The following CHD4 variants were observed in gnomAD, a reference collection of about 807,000 sequenced individuals.
CHD4 encodes chromodomain helicase DNA binding protein 4.
A neutral mutation model predicts 235.5 loss-of-function variants in CHD4; 35 were observed. The ratio of observed to expected loss-of-function variants is 0.15; its 90% CI spans 0.11 to 0.20. The LOEUF (loss-of-function observed/expected upper bound fraction) is 0.20, where lower values mean the gene tolerates loss of function less well. CHD4 is among the 10% of genes least tolerant of loss of function. CHD4 has a pLI of 1.00. For missense variants in CHD4, 1,329 were observed against 2,432.3 expected (o/e 0.55, Z 9.54); for synonymous variants, 900 against 850.2 (o/e 1.06, Z -1.02).
At chr12:6,585,210 C>A (rs113168245) in intron 25 of CHD4, among the ~76,000 whole-genome samples, 1 of 152,168 alleles carries the variant, frequency 6.6e-6, no homozygotes. Flanking sequence ...ACAAGCCACA[C>A]ACACATTCCT....
At chr12:6,572,303 G>A (rs1947987544) in intron 38 of CHD4, among the ~76,000 whole-genome samples, 1 of 151,450 alleles carries the variant, frequency 6.6e-6, no homozygotes, top group Non-Finnish European at 1.5e-5. Flanking sequence ...GCGCATGCCT[G>A]TAGTCCCAGC....
intron 25 of CHD4, 74 bp downstream of exon 25, chr12:6,587,310 A>G (rs1017408325): frequency 1.6e-5 from 24 of 1,492,250 alleles, no homozygotes; most frequent in Non-Finnish European, 2.1e-5. Flanking sequence ...CACTTGTCTC[A>G]AATACCACCT....
At chr12:6,589,258 C>A (rs751085723) in intron 22 of CHD4, among the ~76,000 whole-genome samples, 6 of 152,208 alleles carry the variant, frequency 3.9e-5, no homozygotes, top group Admixed American at 6.5e-5. Context: ...TCAAGGTCCA[C>A]TGACGAATAC....
At chr12:6,591,429 G>A in intron 22 of CHD4, 37 bp downstream of exon 22, 1 of 1,513,650 alleles carries the variant, frequency 6.6e-7, no homozygotes, top group Non-Finnish European at 9.1e-7. Context: ...ATAAGCAAAT[G>A]AGGATTCCTG....
At position 6,598,383 on chromosome 12, in the gene CHD4, T is replaced by G. The variant is rs1248874069; in HGVS notation, c.1525A>C (p.Lys509Gln). 6.2e-7 allele frequency: 1 copy of G among 1,613,424 alleles called. No homozygotes were observed. The highest frequency in any genetic ancestry group is 8.5e-7 in the Non-Finnish European group (1 of 1,179,642). The stretch of plus-strand genomic sequence containing the variant: ...GTGGGAGATGGTGGCTGACCCCACT[T>G]CCAGATTAGGATCTTCTGCACTTTG... ...KGKVQKILIWKWGQPPSPTPV... is the reference protein window; with the variant it reads ...KGKVQKILIWQWGQPPSPTPV... Residue 509 changes from lysine (K) to glutamine (Q), a missense_variant, in exon 11 of 40, where the codon AAG becomes CAG. This residue lies in a region of CHD4 where 33 missense variants were observed against 84.2 expected (regional missense o/e 0.39). Transcript: ENST00000544040.
chr12:6,600,821 C>T (rs903978057), intron 7 of CHD4, 105 bp downstream of exon 7: 12 of 1,501,298 alleles, frequency 8.0e-6, no homozygotes, highest in African/African-American at 7.0e-5. Flanking sequence ...GTGGGAAACG[C>T]CCCACATTCT....
intron 22 of CHD4, among the ~76,000 whole-genome samples, chr12:6,590,597 T>A (rs560654196): frequency 6.6e-6 from 1 of 152,070 alleles, no homozygotes; most frequent in African/African-American, 2.4e-5. Context: ...GGCAGGAGGA[T>A]TGCTTGAGCC....
chr12:6,572,334 G>A (rs1947988248), intron 38 of CHD4, among the ~76,000 whole-genome samples: 1 of 151,488 alleles, frequency 6.6e-6, no homozygotes, highest in Admixed American at 6.6e-5. Flanking sequence ...GCTGAGGCAG[G>A]AGAATTGCTT....
intron 1 of CHD4, chr12:6,606,695 G>A (rs1032633985): frequency 3.9e-6 from 1 of 255,334 alleles, no homozygotes; most frequent in African/African-American, 2.3e-5. Flanking sequence ...GGGGAGGGGA[G>A]ACGCGGGGCT....
At chr12:6,581,991 T>C (rs1341312950) in intron 30 of CHD4, 146 bp downstream of exon 30, 13 of 1,122,812 alleles carry the variant, frequency 1.2e-5, no homozygotes, top group Non-Finnish European at 1.5e-5. Flanking sequence ...TTAGTAGAGA[T>C]GGGGTTTCGC....
rs772550482 is a variant in CHD4 at position 6,577,842 on chromosome 12, T to G, written c.5304A>C (p.Glu1768Asp). 6.2e-7 allele frequency: 1 copy of G among 1,614,226 alleles called. No homozygotes were observed. Residue 1768 changes from glutamate (E) to aspartate (D), a missense_variant, in exon 37 of 40, where the codon GAA (glutamate) becomes GAC (aspartate). By Grantham distance (45) the Glu-to-Asp change is conservative. Transcript: ENST00000544040. The stretch of plus-strand genomic sequence containing the variant: ...TCTCTAAGAAATTGCCACGGTTCAT[T>G]TCACCCTTGAAAGGCTCATTGAGGA... ...YAILNEPFKGEMNRGNFLEIK... is the reference protein window; with the variant it reads ...YAILNEPFKGDMNRGNFLEIK...
chr12:6,600,834 C>T (rs1000937617), intron 7 of CHD4, 92 bp downstream of exon 7: 4 of 1,514,160 alleles, frequency 2.6e-6, no homozygotes, highest in Non-Finnish European at 1.8e-6. Context: ...CACATTCTTA[C>T]GTGCCTACTA....
intron 20 of CHD4, 25 bp from the exon 21 acceptor site, chr12:6,591,850 G>A (rs1351924034): frequency 1.9e-6 from 3 of 1,613,776 alleles, no homozygotes; most frequent in South Asian, 1.1e-5. Context: ...AAAGAAAAAA[G>A]TATTAAAAGA....
At position 6,600,699 on chromosome 12, in the gene CHD4, C is replaced by T. The variant is rs1191395576; in HGVS notation, c.928-30G>A. On this transcript the variant is annotated intron_variant, in intron 7 of 39. Transcript: ENST00000544040. ...CAGGATGAAAAAGAATAAGGTTAGA[C>T]GTTCAAGCCAAGGGGAAGGACAGAG... 13 of 1,611,850 alleles carry T rather than the reference C, an allele frequency of 8.1e-6. No homozygotes were observed. The Admixed American group carries it at 1.0e-4, about 12-fold the overall frequency.
In CHD4 at chr12:6,584,307, T is replaced by C. The variant is rs142277679; in HGVS notation, c.3880-929A>G. 49 of 152,210 alleles carry C rather than the reference T, an allele frequency of 3.2e-4. 1 individual carries two copies. Among genetic ancestry groups the C allele is most frequent in the African/African-American group, 1.1e-3 (45 of 41,536 alleles). The allele number at this position is 152,210 out of a possible 1,614,324, so 9.4% of individuals were successfully genotyped here. Reference sequence around the variant, plus strand: ...TACACATAAAATATTTTTGGAAAGATATAAAAGGAACTGAAAACATTAGTT... The same window carrying C: ...TACACATAAAATATTTTTGGAAAGACATAAAAGGAACTGAAAACATTAGTT... On this transcript the variant is annotated intron_variant, in intron 25 of 39. Coordinates refer to ENST00000544040, the MANE Select transcript of CHD4 (RefSeq NM_001273.5).
chr12:6,574,564 TCTC>T (rs1314196500), intron 37 of CHD4, among the ~76,000 whole-genome samples: 2 of 152,196 alleles, frequency 1.3e-5, no homozygotes, highest in African/African-American at 4.8e-5. Context: ...CTCATACCCT[TCTC>T]CTCTCCTAGT....
At position 6,597,926 on chromosome 12, in the gene CHD4, C is replaced by T. The variant is rs1948527839; in HGVS notation, c.1860G>A (p.Glu620=). 6.2e-7 allele frequency: 1 copy of T among 1,614,174 alleles called. No homozygotes were observed. Among genetic ancestry groups the T allele is most frequent in the Non-Finnish European group, 8.5e-7 (1 of 1,180,022 alleles). ...ERFYRYGIKP[E]WMMIHRILNH... ...TGAGGATTCGGTGGATCATCATCCACTCGGGTTTTATCCCATAGCGATAGA... is the reference window on the plus strand; with the variant it reads ...TGAGGATTCGGTGGATCATCATCCATTCGGGTTTTATCCCATAGCGATAGA... Residue 620 remains glutamate, a synonymous_variant, in exon 12 of 40, where the codon GAG becomes GAA. Transcript: ENST00000544040.
chr12:6,584,209 C>T (rs1470016604), intron 25 of CHD4: 2 of 150,792 alleles, frequency 1.3e-5, no homozygotes, highest in Admixed American at 6.6e-5. Flanking sequence ...TTTATGTTTA[C>T]AAGGAAAAAA....
rs778878369 is a variant in CHD4 at position 6,593,453 on chromosome 12, T to C, written c.2477A>G (p.Asn826Ser). Residue 826 changes from asparagine to serine, a missense_variant, in exon 16 of 40, where the codon AAT becomes AGT. Coordinates refer to ENST00000544040, the MANE Select transcript of CHD4 (RefSeq NM_001273.5). The surrounding 1 kb of genome is among the most constrained non-coding windows in gnomAD (Gnocchi z 4.9). Reference protein sequence around the residue: ...IRENEFSFEDNAIRGGKKASR... With the variant: ...IRENEFSFEDSAIRGGKKASR... ...GGCCTTCTTGCCACCACGAATGGCATTGTCTTCAAAGGAGAACTCATTCTC... is the reference window on the plus strand; with the variant it reads ...GGCCTTCTTGCCACCACGAATGGCACTGTCTTCAAAGGAGAACTCATTCTC... 3.7e-6 allele frequency: 6 copies of C among 1,614,126 alleles called. No individual in the cohort carries two copies. Among genetic ancestry groups the C allele is most frequent in the South Asian group, 1.1e-5 (1 of 91,082 alleles).
Sources: gnomAD v4.1 joint callset for allele counts (sites outside exome capture counted in the v4.1 genomes callset) on GRCh38, gnomAD v4.1.1 for gene constraint, gnomAD v4.1.1 regional missense constraint, Gnocchi (gnomAD v3.1) non-coding constraint, MANE v1.5 for transcripts, NCBI Gene and HGNC (gene_info 2026-07-23, HGNC 2026-07-21) for gene names.